Variants in ZNF479 observed in about 807,000 individuals in gnomAD.
ZNF479 encodes the protein KRAB zinc finger protein KR19.
Under a neutral mutation model 14.7 loss-of-function variants are expected in ZNF479, and 15 were observed. The ratio of observed to expected loss-of-function variants is 1.02; its 90% CI spans 0.68 to 1.57. ZNF479 has a LOEUF of 1.57. ZNF479 is among the 40% of genes most tolerant of loss of function. The pLI, the probability that ZNF479 is intolerant of heterozygous loss-of-function variation, is 0.00. For synonymous variants in ZNF479, 145 were observed against 211.5 expected, an observed-to-expected ratio of 0.69 and a Z score of 2.73; for missense variants, 506 against 615.1, an observed-to-expected ratio of 0.82 and a Z score of 1.88.
Position 57,120,226 on chromosome 7 carries a change from T to C in ZNF479, c.1189A>G (p.Thr397Ala), listed in dbSNP as rs1554399930. The C allele has an allele frequency of 6.2e-7, 1 of 1,611,604 alleles. No individual in the cohort carries two copies. The highest frequency in any genetic ancestry group is 2.2e-5 in the East Asian group (1 of 44,778). Residue 397 changes from threonine to alanine, a missense_variant, in exon 4 of 4, where the codon ACT (threonine) becomes GCT (alanine). Coordinates refer to ENST00000319636, the MANE Select transcript of ZNF479 (RefSeq NM_001370129.2). ...CCAGTATGAATTCTCTTGTGGATAG[T>C]AAGTGCTGAGGAGCGCCTAAAGTCT... ...GQDFRRSSALTIHKRIHTGER... is the reference protein window; with the variant it reads ...GQDFRRSSALAIHKRIHTGER...
rs181338869 is a variant in ZNF479, at chr7:57,119,233, C to A, written c.*607G>T. Among the ~76,000 whole-genome samples the A allele has an allele frequency of 5.3e-3, 812 of 152,266 alleles. 10 individuals carry two copies. The highest frequency in any genetic ancestry group is 0.019 in the African/African-American group (779 of 41,554). On this transcript the variant is annotated 3_prime_UTR_variant, in exon 4 of 4. Coordinates refer to ENST00000319636, the MANE Select transcript of ZNF479 (RefSeq NM_001370129.2). ...TCAAGACTAGTTAACAGCTTTACCA[C>A]ATTCTTTGCTTTTGTAGAGTTTCTC...
chr7:57,119,627 A>T lies in ZNF479; in HGVS notation c.*213T>A. 1 of 548,118 alleles carries T rather than the reference A, an allele frequency of 1.8e-6. No individual in the cohort carries two copies. 34.0% of individuals were successfully genotyped at this position (548,118 alleles called of 1,614,324 possible). On this transcript the variant is annotated 3_prime_UTR_variant, in exon 4 of 4. Transcript: ENST00000319636. ...AACTCAAAAAAATTTTTTTAAAATA[A>T]ATTCTCTTAGGTTTATTAAGGTTTG...
chr7:57,123,430 C>CA (rs1786033911), intron 3 of ZNF479, among the ~76,000 whole-genome samples: 1 of 152,168 alleles, frequency 6.6e-6, no homozygotes, highest in African/African-American at 2.4e-5. Flanking sequence ...TATCACAAAC[C>CA]AAATAGGCTA....
At chr7:57,132,225 A>G in intron 1 of ZNF479, 61 bp downstream of exon 1, 1 of 1,613,652 alleles carries the variant, frequency 6.2e-7, no homozygotes, top group Non-Finnish European at 8.5e-7. Context: ...TGCTACAGCC[A>G]CTTTCTGCCG....
At chr7:57,124,154 A>T (rs1222680878) in intron 3 of ZNF479, among the ~76,000 whole-genome samples, 1 of 152,058 alleles carries the variant, frequency 6.6e-6, no homozygotes, top group Non-Finnish European at 1.5e-5. Context: ...AAATTTTATT[A>T]TGAACCAAAT....
chr7:57,137,703 C>G (rs983571130), intron 1 of ZNF479, among the ~76,000 whole-genome samples: 1 of 152,128 alleles, frequency 6.6e-6, no homozygotes. Context: ...TTGCCTGGGC[C>G]CGGCCTGCAG....
chr7:57,121,834 G>A (rs1277697153), intron 3 of ZNF479, among the ~76,000 whole-genome samples: 3 of 151,914 alleles, frequency 2.0e-5, no homozygotes, highest in Non-Finnish European at 4.4e-5. Context: ...TTTTGAAAAA[G>A]CAACTATAAA....
chr7:57,133,570 A>G (rs1258195162), upstream of ZNF479, among the ~76,000 whole-genome samples: 1 of 152,138 alleles, frequency 6.6e-6, no homozygotes, highest in Non-Finnish European at 1.5e-5. Flanking sequence ...TTAAAAAGTA[A>G]AAAGAAAAAG....
At chr7:57,124,927 G>T (rs1352327892) in intron 3 of ZNF479, among the ~76,000 whole-genome samples, 3 of 152,172 alleles carry the variant, frequency 2.0e-5, no homozygotes, top group East Asian at 3.9e-4. Context: ...TACAAAATTA[G>T]CTGGGTGTGG....
At chr7:57,128,464 T>C (rs1421588810) in intron 1 of ZNF479, among the ~76,000 whole-genome samples, 1 of 152,220 alleles carries the variant, frequency 6.6e-6, no homozygotes, top group African/African-American at 2.4e-5. Context: ...AGCACACAGA[T>C]GAAACCTCAA....
chr7:57,120,367 C>T lies in ZNF479; in HGVS notation c.1048G>A (p.Glu350Lys). Reference protein sequence around the residue: ...LTRHKRIHTREKPYACEECGQ... With the variant: ...LTRHKRIHTRKKPYACEECGQ... The stretch of plus-strand genomic sequence containing the variant: ...CATTCTTCACAGGCATAGGGTTTCT[C>T]TCTAGTATGAATTCTCTTATGTCTA... The change falls in exon 4 of 4, where the codon GAG (glutamate) becomes AAG (lysine). Residue 350 changes from glutamate (E) to lysine (K), a missense_variant. Coordinates refer to ENST00000319636, the MANE Select transcript of ZNF479 (RefSeq NM_001370129.2). 6.2e-7 allele frequency: 1 copy of T among 1,613,532 alleles called. No individual in the cohort carries two copies. The highest frequency in any genetic ancestry group is 8.5e-7 in the Non-Finnish European group (1 of 1,179,790).
At position 57,132,293 on chromosome 7, in the gene ZNF479, C is replaced by T. The variant is rs1300207130; in HGVS notation, c.32G>A (p.Arg11Gln). Residue 11 changes from arginine to glutamine, a missense_variant, in exon 1 of 4, where the codon CGA becomes CAA. By Grantham distance (43) the Arg-to-Gln change is conservative (BLOSUM62 1). Coordinates refer to ENST00000319636, the MANE Select transcript of ZNF479 (RefSeq NM_001370129.2). MAKRPGPPGSREMGLLTFRDI... is the reference protein window; with the variant it reads MAKRPGPPGSQEMGLLTFRDI... ...GACAGACCCAGCACTCACCATTTCT[C>T]GGCTTCCAGGGGGTCCTGGTCTTTT... 5.0e-6 allele frequency: 8 copies of T among 1,613,992 alleles called. No individual in the cohort carries two copies. Among genetic ancestry groups the T allele is most frequent in the Non-Finnish European group, 6.8e-6 (8 of 1,180,036 alleles).
upstream of ZNF479, among the ~76,000 whole-genome samples, chr7:57,133,237 G>A (rs1786512524): frequency 6.6e-6 from 1 of 152,146 alleles, no homozygotes; most frequent in Admixed American, 6.5e-5. Context: ...GTGGTAGTAA[G>A]GGAGCTCTCA....
At position 57,122,796 on chromosome 7, in the gene ZNF479, A is replaced by C. The variant is rs1786009544; in HGVS notation, c.263-1644T>G. Among the ~76,000 whole-genome samples, 5 of 152,114 alleles carry C rather than the reference A, an allele frequency of 3.3e-5. No individual in the cohort carries two copies. The South Asian group carries it at 1.0e-3, about 32-fold the overall frequency. Reference sequence around the variant, plus strand: ...AATGAGACAAAGATTGATATTATATAATGGTAAAATGAGTCCATTTACTAG... The same window carrying C: ...AATGAGACAAAGATTGATATTATATCATGGTAAAATGAGTCCATTTACTAG... On this transcript the variant is annotated intron_variant, in intron 3 of 3. Transcript: ENST00000319636.
chr7:57,121,194 T>G, intron 3 of ZNF479, 42 bp from the exon 4 acceptor site: 1 of 1,613,000 alleles, frequency 6.2e-7, no homozygotes, highest in Non-Finnish European at 8.5e-7. Flanking sequence ...CTTTCTGGAC[T>G]CATATAAATA....
At chr7:57,136,275 C>T (rs919313970), upstream of ZNF479, among the ~76,000 whole-genome samples, 5 of 151,956 alleles carry the variant, frequency 3.3e-5, no homozygotes, top group Non-Finnish European at 5.9e-5. Context: ...TTCAGCTACT[C>T]AGGAGGCTGA....
Position 57,118,187 on chromosome 7 carries a change from T to C in ZNF479, c.*1653A>G, listed in dbSNP as rs1203774551. The stretch of plus-strand genomic sequence containing the variant: ...CTCTCCAATATAAATTCTCTAATGT[T>C]CAACAAAGTTTGAGCATCTTCTCAG... On this transcript the variant is annotated 3_prime_UTR_variant, in exon 4 of 4. Coordinates refer to ENST00000319636, the MANE Select transcript of ZNF479 (RefSeq NM_001370129.2). Among the ~76,000 whole-genome samples the C allele has an allele frequency of 2.0e-5, 3 of 152,292 alleles. No individual in the cohort carries two copies. Among genetic ancestry groups the C allele is most frequent in the African/African-American group, 7.2e-5 (3 of 41,484 alleles).
intron 1 of ZNF479, among the ~76,000 whole-genome samples, chr7:57,137,855 C>T (rs536060919): frequency 1.5e-4 from 23 of 152,258 alleles, no homozygotes; most frequent in Admixed American, 7.2e-4. Context: ...TGGGCCAGTC[C>T]GCAGGGGTTA....
At chr7:57,124,404 G>A (rs546516980) in intron 3 of ZNF479, among the ~76,000 whole-genome samples, 1 of 152,064 alleles carries the variant, frequency 6.6e-6, no homozygotes, top group South Asian at 2.1e-4. Context: ...GTTGAAAACT[G>A]GACATCTACA....
Sources: allele counts gnomAD v4.1 joint callset (sites outside exome capture counted in the v4.1 genomes callset), GRCh38; gene constraint gnomAD v4.1.1; transcripts MANE v1.5; gene names NCBI Gene and HGNC (gene_info 2026-07-23, HGNC 2026-07-21).